The following RIMS2 variants were observed in gnomAD, a reference collection of about 807,000 sequenced individuals.
RIMS2 encodes the protein regulating synaptic membrane exocytosis protein 2.
In RIMS2, 59 loss-of-function variants were observed where a neutral mutation model predicts 174.4. The observed-to-expected ratio is 0.34, with a 90% CI of 0.27 to 0.42. RIMS2 has a LOEUF of 0.42. Among genes scored for constraint, RIMS2 ranks in the 10% least tolerant of loss-of-function variants. RIMS2 has a pLI of 1.00. For missense variants in RIMS2, 1,620 were observed against 1,666.3 expected, an observed-to-expected ratio of 0.97 and a Z score of 0.48; for synonymous variants, 606 against 572.5, an observed-to-expected ratio of 1.06 and a Z score of -0.84.
intron 2 of RIMS2, among the ~76,000 whole-genome samples, chr8:103,741,125 G>T (rs573421719): frequency 4.1e-4 from 63 of 151,932 alleles, no homozygotes; most frequent in African/African-American, 1.4e-3. Flanking sequence ...TGCAAATTTT[G>T]ATTACAAATA....
intron 1 of RIMS2, among the ~76,000 whole-genome samples, chr8:103,687,684 C>G (rs1165434350): frequency 6.6e-6 from 1 of 152,096 alleles, no homozygotes; most frequent in East Asian, 1.9e-4. Flanking sequence ...ACCCCAGTCT[C>G]TGGTGATCAT....
At chr8:103,531,505 A>C (rs1159386537) in intron 1 of RIMS2, among the ~76,000 whole-genome samples, 1 of 152,204 alleles carries the variant, frequency 6.6e-6, no homozygotes, top group Non-Finnish European at 1.5e-5. Flanking sequence ...TTACACCTGG[A>C]GAGGGCATGG....
At chr8:104,075,516 T>C (rs2097272544) in intron 19 of RIMS2, among the ~76,000 whole-genome samples, 1 of 152,222 alleles carries the variant, frequency 6.6e-6, no homozygotes, top group South Asian at 2.1e-4. Context: ...TCGAGCCAAG[T>C]CAAGTAATCT....
At chr8:104,079,092 CAA>C (rs536848677) in intron 19 of RIMS2, among the ~76,000 whole-genome samples, 3 of 143,464 alleles carry the variant, frequency 2.1e-5, no homozygotes, top group Non-Finnish European at 4.6e-5. Flanking sequence ...CAGTATTATG[CAA>C]AAAAAAAAGT....
intron 3 of RIMS2, among the ~76,000 whole-genome samples, chr8:103,858,553 T>G (rs1218766237): frequency 6.6e-6 from 1 of 151,826 alleles, no homozygotes. Context: ...CCTAGCTGAA[T>G]AGTATAGGAA....
At position 103,747,823 on chromosome 8, in the gene RIMS2, T is replaced by C. The variant is rs561387513; in HGVS notation, c.388-18404T>C. Among the ~76,000 whole-genome samples the C allele has an allele frequency of 2.5e-4, 38 of 152,254 alleles. No individual in the cohort carries two copies. The South Asian group carries it at 3.7e-3, about 15-fold the overall frequency. The stretch of plus-strand genomic sequence containing the variant: ...GGTCTGAAATTCACTTTTGGACTTA[T>C]TAAGTTTGAGATAAATCAAAATACA... On this transcript the variant is annotated intron_variant, in intron 2 of 23. Transcript: ENST00000504942.
At chr8:103,753,860 C>T (rs903437049) in intron 2 of RIMS2, among the ~76,000 whole-genome samples, 47 of 151,846 alleles carry the variant, frequency 3.1e-4, no homozygotes, top group African/African-American at 1.1e-3. Flanking sequence ...TCAATTTTGT[C>T]AATCTTTTAA....
At chr8:103,903,769 T>C (rs2073764431) in intron 4 of RIMS2, among the ~76,000 whole-genome samples, 1 of 152,150 alleles carries the variant, frequency 6.6e-6, no homozygotes, top group Non-Finnish European at 1.5e-5. Context: ...AGTGATACTC[T>C]AGCCTTTTCT....
At chr8:103,674,288 G>C (rs1267525931) in intron 1 of RIMS2, among the ~76,000 whole-genome samples, 1 of 152,060 alleles carries the variant, frequency 6.6e-6, no homozygotes, top group Non-Finnish European at 1.5e-5. Context: ...CCATTACCCA[G>C]TTCCCAAGTT....
intron 17 of RIMS2, among the ~76,000 whole-genome samples, chr8:103,997,208 G>A (rs536110549): frequency 1.3e-5 from 2 of 151,960 alleles, no homozygotes; most frequent in Non-Finnish European, 3.0e-5. Flanking sequence ...ACAGTGGCTT[G>A]AGAGGAAGGA....
chr8:104,205,495 C>CTGTGTG (rs55980964), intron 19 of RIMS2, among the ~76,000 whole-genome samples: 3,834 of 150,832 alleles, frequency 0.025, 60 homozygotes, highest in Middle Eastern at 0.051. Flanking sequence ...TGTGAAGTGT[C>CTGTGTG]TGTGTGTGTG....
intron 14 of RIMS2, among the ~76,000 whole-genome samples, chr8:103,948,488 A>G (rs968528614): frequency 3.5e-4 from 53 of 152,364 alleles, no homozygotes; most frequent in African/African-American, 1.3e-3. Flanking sequence ...ATTTCTATAT[A>G]TAACAAGAAA....
intron 1 of RIMS2, among the ~76,000 whole-genome samples, chr8:103,623,289 G>C (rs1357120794): frequency 6.6e-6 from 1 of 152,004 alleles, no homozygotes; most frequent in African/African-American, 2.4e-5. Flanking sequence ...TCATAGACTG[G>C]TAGTTCAGAT....
chr8:103,890,728 G>A (rs1018076286), intron 4 of RIMS2, among the ~76,000 whole-genome samples: 2 of 151,856 alleles, frequency 1.3e-5, no homozygotes, highest in Non-Finnish European at 2.9e-5. Context: ...AAGGAGGTAA[G>A]TCTTAGATTG....
At chr8:104,052,181 T>C (rs976095468) in intron 19 of RIMS2, among the ~76,000 whole-genome samples, 7 of 152,226 alleles carry the variant, frequency 4.6e-5, no homozygotes, top group Admixed American at 1.3e-4. Context: ...TTTACATGAC[T>C]AAATCCATTT....
chr8:103,699,351 C>T (rs540051113), intron 2 of RIMS2, among the ~76,000 whole-genome samples: 7 of 152,152 alleles, frequency 4.6e-5, no homozygotes, highest in Non-Finnish European at 7.4e-5. Flanking sequence ...TTTGGCCTCC[C>T]GAGTAGCAGG....
At chr8:103,922,071 C>T in intron 10 of RIMS2, 1 of 213,850 alleles carries the variant, frequency 4.7e-6, no homozygotes, top group Non-Finnish European at 9.4e-6. Flanking sequence ...AATTTTTGCT[C>T]TATACCTTAA....
chr8:104,177,640 T>C (rs566272888), intron 19 of RIMS2, among the ~76,000 whole-genome samples: 59 of 152,276 alleles, frequency 3.9e-4, no homozygotes, highest in African/African-American at 1.4e-3. Flanking sequence ...AGATATAAGA[T>C]AATCTGCTAT....
intron 3 of RIMS2, among the ~76,000 whole-genome samples, chr8:103,794,061 T>G (rs117315025): frequency 0.011 from 1,740 of 152,260 alleles, 23 homozygotes; most frequent in South Asian, 0.049. Context: ...ATGACTTTCT[T>G]TACAGAATTG....
Sources: allele counts gnomAD v4.1 joint callset (sites outside exome capture counted in the v4.1 genomes callset), GRCh38; gene constraint gnomAD v4.1.1; transcripts MANE v1.5; gene names NCBI Gene and HGNC (gene_info 2026-07-23, HGNC 2026-07-21).